The following SCFD2 variants were observed in gnomAD, a reference collection of about 807,000 sequenced individuals.
SCFD2 encodes sec1 family domain-containing protein 2.
A neutral mutation model predicts 58.9 loss-of-function variants in SCFD2; 54 were observed. The observed-to-expected ratio is 0.92, with a 90% CI of 0.74 to 1.15. The LOEUF (loss-of-function observed/expected upper bound fraction) is 1.15, where lower values mean the gene tolerates loss of function less well. Among genes scored for constraint, SCFD2 ranks in the 50% most tolerant of loss-of-function variants. The pLI is 0.00. For synonymous variants in SCFD2, 321 were observed against 335.9 expected (o/e 0.96, Z 0.49); for missense variants, 805 against 836.6 (o/e 0.96, Z 0.47).
intron 4 of SCFD2, among the ~76,000 whole-genome samples, chr4:53,207,568 TA>T (rs1258738151): frequency 7.2e-5 from 3 of 41,722 alleles, no homozygotes; most frequent in Admixed American, 8.0e-4. Context: ...ATAATATATA[TA>T]ATATTTATAT....
intron 5 of SCFD2, among the ~76,000 whole-genome samples, chr4:53,103,221 A>G (rs1446286744): frequency 6.6e-6 from 1 of 152,138 alleles, no homozygotes; most frequent in Non-Finnish European, 1.5e-5. Context: ...AACTGAAGGG[A>G]GATGATTAGC....
At position 52,900,630 on chromosome 4, in the gene SCFD2, A is replaced by C. The variant is rs548057799; in HGVS notation, c.1842+6827T>G. On this transcript the variant is annotated intron_variant, in intron 7 of 8. Coordinates refer to ENST00000401642, the MANE Select transcript of SCFD2 (RefSeq NM_152540.4). Reference sequence around the variant, plus strand: ...GGCATTCTGCCGGTTCTCAGATCTCAAGCTGCGTGCTGGGAGAACCACTAC... The same window carrying C: ...GGCATTCTGCCGGTTCTCAGATCTCCAGCTGCGTGCTGGGAGAACCACTAC... Among the ~76,000 whole-genome samples the C allele has an allele frequency of 3.3e-5, 5 of 152,290 alleles. No homozygotes were observed. The South Asian group carries it at 1.0e-3, about 32-fold the overall frequency.
chr4:53,243,695 GA>G (rs147983882), intron 4 of SCFD2, among the ~76,000 whole-genome samples: 7 of 142,276 alleles, frequency 4.9e-5, no homozygotes, highest in Admixed American at 6.9e-5. Context: ...AAGCTGGAAA[GA>G]AAAAAAAAAG....
intron 7 of SCFD2, among the ~76,000 whole-genome samples, chr4:52,893,286 G>A (rs892129468): frequency 2.0e-5 from 3 of 150,944 alleles, no homozygotes; most frequent in African/African-American, 7.3e-5. Flanking sequence ...GCCCAAGCTA[G>A]TTTCAAACTC....
intron 3 of SCFD2, 60 bp downstream of exon 3, chr4:53,313,576 T>TTCAGAACAGGTTTAAATAAGCTTCC: frequency 6.2e-7 from 1 of 1,606,100 alleles, no homozygotes; most frequent in Non-Finnish European, 8.5e-7. Context: ...TGGCCCACAA[T>TTCAGAACAGGTTTAAATAAGCTTCC]TCAGAACAGG....
chr4:53,127,400 C>T (rs759678688), intron 5 of SCFD2, among the ~76,000 whole-genome samples: 8 of 152,168 alleles, frequency 5.3e-5, no homozygotes, highest in Non-Finnish European at 1.2e-4. Context: ...TAAGAGTCTT[C>T]TATGTGCGCA....
At chr4:53,181,620 A>C (rs1727559964) in intron 4 of SCFD2, among the ~76,000 whole-genome samples, 1 of 151,908 alleles carries the variant, frequency 6.6e-6, no homozygotes, top group Non-Finnish European at 1.5e-5. Flanking sequence ...CTCTCTCACC[A>C]CTCCTGTTCA....
chr4:53,240,940 A>G (rs1370237426), intron 4 of SCFD2, among the ~76,000 whole-genome samples: 1 of 152,260 alleles, frequency 6.6e-6, no homozygotes, highest in African/African-American at 2.4e-5. Context: ...CCAGGACATC[A>G]GGAAGACTGG....
At chr4:53,320,617 C>CA (rs923932935) in intron 2 of SCFD2, among the ~76,000 whole-genome samples, 1 of 151,956 alleles carries the variant, frequency 6.6e-6, no homozygotes, top group Admixed American at 6.6e-5. Flanking sequence ...AACCCTGTCT[C>CA]AAAAAATCAA....
chr4:53,203,346 G>A (rs1273842186), intron 4 of SCFD2, among the ~76,000 whole-genome samples: 1 of 151,846 alleles, frequency 6.6e-6, no homozygotes, highest in Admixed American at 6.6e-5. Flanking sequence ...AAAAAGAGAA[G>A]GCATAATCAG....
At chr4:53,206,232 G>T (rs909821910) in intron 4 of SCFD2, among the ~76,000 whole-genome samples, 8 of 151,974 alleles carry the variant, frequency 5.3e-5, no homozygotes, top group African/African-American at 1.9e-4. Context: ...CTCTTATTTG[G>T]GTCACACACA....
rs139428245 is a variant in SCFD2, at chr4:52,986,128, T to C, written c.1562-65258A>G. 3.6e-3 allele frequency among the ~76,000 whole-genome samples: 550 copies of C among 152,220 alleles called. 2 individuals carry two copies. Among genetic ancestry groups the C allele is most frequent in the African/African-American group, 0.013 (523 of 41,536 alleles). On this transcript the variant is annotated intron_variant, in intron 5 of 8. Transcript: ENST00000401642. ...GGGGCTGGAGGCTGGCTTCCACCTC[T>C]TCCCTCCAGAGCTGAGCCTCTTTGC...
chr4:53,066,902 C>T (rs17082374), intron 5 of SCFD2, among the ~76,000 whole-genome samples: 3,421 of 152,154 alleles, frequency 0.022, 66 homozygotes, highest in East Asian at 0.065. Flanking sequence ...AATCCATGCT[C>T]TCCCATTAGA....
chr4:53,232,869 A>G (rs1375759942), intron 4 of SCFD2, among the ~76,000 whole-genome samples: 1 of 152,154 alleles, frequency 6.6e-6, no homozygotes, highest in Non-Finnish European at 1.5e-5. Flanking sequence ...GAGTCCTTTA[A>G]CTTCAAAGTA....
chr4:53,205,626 G>A lies in SCFD2; in HGVS notation c.1312-60044C>T, dbSNP rs1577838830. Among the ~76,000 whole-genome samples the A allele has an allele frequency of 2.6e-5, 4 of 152,162 alleles. No homozygotes were observed. The South Asian group carries it at 8.3e-4, about 32-fold the overall frequency. On this transcript the variant is annotated intron_variant, in intron 4 of 8. Coordinates refer to ENST00000401642, the MANE Select transcript of SCFD2 (RefSeq NM_152540.4). ...AAGATGGGCAACACTTTGGGAGGCC[G>A]AGGTGGGCGGATCACGAGGTCAGGA...
chr4:53,191,336 T>C (rs1727886052), intron 4 of SCFD2, among the ~76,000 whole-genome samples: 1 of 151,692 alleles, frequency 6.6e-6, no homozygotes, highest in South Asian at 2.1e-4. Flanking sequence ...CAAACGAACA[T>C]AACATTTGAG....
chr4:53,012,004 T>A (rs1257459014), intron 5 of SCFD2, among the ~76,000 whole-genome samples: 1 of 69,782 alleles, frequency 1.4e-5, no homozygotes, highest in African/African-American at 5.3e-5. Flanking sequence ...TTTTAGGCTT[T>A]TTTTTTTTTT....
At chr4:52,908,225 T>A (rs888331972) in intron 6 of SCFD2, among the ~76,000 whole-genome samples, 4 of 152,232 alleles carry the variant, frequency 2.6e-5, no homozygotes, top group African/African-American at 9.6e-5. Context: ...TTCTACAGTT[T>A]GATAAATTCT....
At chr4:52,997,336 G>A (rs901442813) in intron 5 of SCFD2, among the ~76,000 whole-genome samples, 1 of 152,222 alleles carries the variant, frequency 6.6e-6, no homozygotes, top group Non-Finnish European at 1.5e-5. Context: ...AGGGATCAAA[G>A]AGCTCTCAGG....
Sources: allele counts gnomAD v4.1 joint callset (sites outside exome capture counted in the v4.1 genomes callset), GRCh38; gene constraint gnomAD v4.1.1; transcripts MANE v1.5; gene names NCBI Gene and HGNC (gene_info 2026-07-23, HGNC 2026-07-21).